The following ITGB6 variants were observed in gnomAD, a reference collection of about 807,000 sequenced individuals.
The protein encoded by ITGB6 is integrin subunit beta 6.
A neutral mutation model predicts 84.5 loss-of-function variants in ITGB6; 80 were observed. The observed-to-expected ratio is 0.95, with a 90% CI of 0.79 to 1.14. The LOEUF (loss-of-function observed/expected upper bound fraction) is 1.14, where lower values mean the gene tolerates loss of function less well. ITGB6 is among the 50% of genes most tolerant of loss of function. The pLI is 0.00. For synonymous variants in ITGB6, 383 were observed against 354.9 expected (o/e 1.08, Z -0.89); for missense variants, 1,006 against 968.0 (o/e 1.04, Z -0.52).
chr2:160,150,570 G>T (rs1315517247), intron 7 of ITGB6, among the ~76,000 whole-genome samples: 3 of 152,048 alleles, frequency 2.0e-5, no homozygotes, highest in African/African-American at 4.8e-5. Context: ...AATAACCAGC[G>T]AACATCATAA....
chr2:160,169,143 C>T lies in ITGB6; in HGVS notation c.1017+69G>A, dbSNP rs1037053666. 9.2e-6 allele frequency: 8 copies of T among 872,258 alleles called. No individual in the cohort carries two copies. The African/African-American group carries it at 1.3e-4, about 15-fold the overall frequency. 54.0% of individuals were successfully genotyped at this position (872,258 alleles called of 1,614,324 possible). Reference sequence around the variant, plus strand: ...ATGGCCTTCCCATGTGTTAAACTCACAGAGTTAATGTTAAAGTTTCATGTC... The same window carrying T: ...ATGGCCTTCCCATGTGTTAAACTCATAGAGTTAATGTTAAAGTTTCATGTC... On this transcript the variant is annotated intron_variant, in intron 7 of 14. Coordinates refer to ENST00000283249, the MANE Select transcript of ITGB6 (RefSeq NM_000888.5).
At chr2:160,126,839 TTA>T (rs1440757190) in intron 10 of ITGB6, among the ~76,000 whole-genome samples, 2 of 152,318 alleles carry the variant, frequency 1.3e-5, no homozygotes, top group Middle Eastern at 3.4e-3. Context: ...CTTGCTTACT[TTA>T]TGTTTGTAAA....
In ITGB6 at chr2:160,196,290, C is replaced by T. The variant is rs1450395230; in HGVS notation, c.272G>A (p.Ser91Asn). 1.2e-6 allele frequency: 2 copies of T among 1,613,894 alleles called. No individual in the cohort carries two copies. The highest frequency in any genetic ancestry group is 1.3e-5 in the African/African-American group (1 of 74,890). The part of the protein sequence containing the change: ...QVEILKNKPL[S>N]VGRQKNSSDI... Reference sequence around the variant, plus strand: ...AGAACTATTTTTCTGTCTGCCTACACTGAGAGGCTTATTTTTAAGTATTTC... The same window carrying T: ...AGAACTATTTTTCTGTCTGCCTACATTGAGAGGCTTATTTTTAAGTATTTC... Residue 91 changes from serine to asparagine, a missense_variant, in exon 3 of 15, where the codon AGT becomes AAT. Physicochemically the swap from Ser to Asn is conservative, Grantham distance 46. Transcript: ENST00000283249.
At chr2:160,105,466 T>A (rs552195631) in intron 14 of ITGB6, among the ~76,000 whole-genome samples, 9 of 152,302 alleles carry the variant, frequency 5.9e-5, no homozygotes, top group African/African-American at 2.2e-4. Context: ...TAGATACACA[T>A]CACATAATTG....
intron 11 of ITGB6, among the ~76,000 whole-genome samples, chr2:160,125,883 C>A (rs1181485612): frequency 6.6e-6 from 1 of 152,136 alleles, no homozygotes; most frequent in Non-Finnish European, 1.5e-5. Flanking sequence ...GGTAAAGAAG[C>A]AGGAGAGAAT....
intron 4 of ITGB6, among the ~76,000 whole-genome samples, chr2:160,182,006 A>G (rs1668689053): frequency 6.6e-6 from 1 of 152,216 alleles, no homozygotes; most frequent in African/African-American, 2.4e-5. Context: ...ATAAAATACC[A>G]AAGGTAGATA....
chr2:160,136,475 T>C (rs1270959714), intron 10 of ITGB6, among the ~76,000 whole-genome samples: 1 of 152,158 alleles, frequency 6.6e-6, no homozygotes, highest in African/African-American at 2.4e-5. Context: ...AGTTCAACCA[T>C]TGTGGAAGTC....
chr2:160,180,458 T>A (rs1450524360), intron 4 of ITGB6, among the ~76,000 whole-genome samples: 2 of 152,196 alleles, frequency 1.3e-5, no homozygotes, highest in Non-Finnish European at 2.9e-5. Flanking sequence ...TTTATTTGTA[T>A]TTAACTTTTA....
intron 4 of ITGB6, among the ~76,000 whole-genome samples, chr2:160,183,870 C>G (rs1210792554): frequency 6.6e-6 from 1 of 151,192 alleles, no homozygotes; most frequent in Non-Finnish European, 1.5e-5. Flanking sequence ...GGAAACTGAA[C>G]AACATGCTAC....
intron 4 of ITGB6, among the ~76,000 whole-genome samples, chr2:160,178,728 G>GT (rs1685542145): frequency 8.7e-6 from 1 of 115,572 alleles, no homozygotes; most frequent in Non-Finnish European, 1.6e-5. Context: ...GTCTCCCTCT[G>GT]TAGCCCAGGC....
intron 2 of ITGB6, among the ~76,000 whole-genome samples, chr2:160,197,622 A>T (rs1686395021): frequency 6.6e-6 from 1 of 152,180 alleles, no homozygotes; most frequent in Non-Finnish European, 1.5e-5. Flanking sequence ...GGAAAGTTAG[A>T]TTTCTTCTGA....
intron 13 of ITGB6, among the ~76,000 whole-genome samples, chr2:160,108,764 AC>A (rs1697007963): frequency 6.6e-6 from 1 of 152,308 alleles, no homozygotes; most frequent in South Asian, 2.1e-4. Context: ...GGTACTTTCA[AC>A]TTGAATATTC....
At chr2:160,174,588 A>T (rs1310668416) in intron 4 of ITGB6, among the ~76,000 whole-genome samples, 1 of 151,912 alleles carries the variant, frequency 6.6e-6, no homozygotes, top group African/African-American at 2.4e-5. Context: ...TCCCTCCTGT[A>T]CTCCCAGGTC....
chr2:160,186,969 G>A (rs889966996), intron 4 of ITGB6, among the ~76,000 whole-genome samples: 2 of 151,182 alleles, frequency 1.3e-5, no homozygotes, highest in Non-Finnish European at 2.9e-5. Flanking sequence ...TGTCGGGGGG[G>A]TGGGAGGCTA....
chr2:160,146,907 C>T (rs1684217882), intron 7 of ITGB6, among the ~76,000 whole-genome samples: 1 of 151,654 alleles, frequency 6.6e-6, no homozygotes, highest in Admixed American at 6.6e-5. Flanking sequence ...TCGAGACCAG[C>T]CAGGTAACAT....
chr2:160,114,538 G>A (rs1023930297), intron 12 of ITGB6, among the ~76,000 whole-genome samples: 8 of 152,310 alleles, frequency 5.3e-5, no homozygotes, highest in Non-Finnish European at 1.2e-4. Flanking sequence ...CAAGATGGCC[G>A]AATAGGAACA....
chr2:160,155,885 C>T (rs1684605715), intron 7 of ITGB6, among the ~76,000 whole-genome samples: 1 of 152,208 alleles, frequency 6.6e-6, no homozygotes, highest in African/African-American at 2.4e-5. Context: ...TGAGATGCCA[C>T]TGTGCACTCA....
chr2:160,167,902 A>G (rs1256700331), intron 7 of ITGB6, among the ~76,000 whole-genome samples: 1 of 152,168 alleles, frequency 6.6e-6, no homozygotes, highest in Admixed American at 6.5e-5. Flanking sequence ...GCTGTGGAGA[A>G]GGTGTTGTGA....
chr2:160,101,720 C>T lies in ITGB6; in HGVS notation c.*16G>A. On this transcript the variant is annotated 3_prime_UTR_variant, in exon 15 of 15. Coordinates refer to ENST00000283249, the MANE Select transcript of ITGB6 (RefSeq NM_000888.5). ...TCATATCAGTGAAACAGACTTTTTTCATGCATAAAGTAGTTCTAGCAATCT... is the reference window on the plus strand; with the variant it reads ...TCATATCAGTGAAACAGACTTTTTTTATGCATAAAGTAGTTCTAGCAATCT... 1 of 1,337,552 alleles carries T rather than the reference C, an allele frequency of 7.5e-7. No homozygotes were observed. The highest frequency in any genetic ancestry group is 1.1e-6 in the Non-Finnish European group (1 of 931,358). The allele number at this position is 1,337,552 out of a possible 1,614,324, so 82.9% of individuals were successfully genotyped here.
Sources: allele counts gnomAD v4.1 joint callset (sites outside exome capture counted in the v4.1 genomes callset), GRCh38; gene constraint gnomAD v4.1.1; transcripts MANE v1.5; gene names NCBI Gene and HGNC (gene_info 2026-07-23, HGNC 2026-07-21).